Variants in ATP2C1 observed in about 807,000 individuals in gnomAD.
ATP2C1 encodes the protein calcium-transporting ATPase type 2C member 1.
In ATP2C1, 31 loss-of-function variants were observed where a neutral mutation model predicts 120.5. That is an observed-to-expected ratio of 0.26 (90% CI 0.19 to 0.35). The LOEUF (loss-of-function observed/expected upper bound fraction) is 0.35, where lower values mean the gene tolerates loss of function less well. Ranked by LOEUF, ATP2C1 falls within the 10% of genes least tolerant of loss-of-function variation. ATP2C1 has a pLI of 1.00. For synonymous variants in ATP2C1, 351 were observed against 358.7 expected, an observed-to-expected ratio of 0.98 and a Z score of 0.24; for missense variants, 731 against 1,107.5, an observed-to-expected ratio of 0.66 and a Z score of 4.83.
rs370535213 is a variant in ATP2C1 at position 130,918,520 on chromosome 3, C to G, written c.7-11896C>G. ...GCTTGTAGGCATGTGAGGCTGAACA[C>G]TCTGGCTTGATGCCCAGGCTCTCAC... On this transcript the variant is annotated intron_variant, in intron 2 of 27. Transcript: ENST00000510168. 37 of 758,330 alleles carry G rather than the reference C, an allele frequency of 4.9e-5. No homozygotes were observed. The African/African-American group carries it at 6.0e-4, about 12-fold the overall frequency. 47.0% of individuals were successfully genotyped at this position (758,330 alleles called of 1,614,324 possible).
chr3:131,015,227 T>G (rs2063549034), intron 26 of ATP2C1: 1 of 702,244 alleles, frequency 1.4e-6, no homozygotes, highest in African/African-American at 1.7e-5. Flanking sequence ...CGTCCATATA[T>G]CCTCATTCAA....
chr3:130,976,148 TA>T (rs1345189085), intron 18 of ATP2C1, among the ~76,000 whole-genome samples: 1 of 152,232 alleles, frequency 6.6e-6, no homozygotes, highest in Non-Finnish European at 1.5e-5. Flanking sequence ...TTGGCTTCCT[TA>T]ATTTTATTAT....
chr3:130,929,096 C>T lies in ATP2C1; in HGVS notation c.7-1320C>T, dbSNP rs150045359. On this transcript the variant is annotated intron_variant, in intron 2 of 27. Transcript: ENST00000510168. The stretch of plus-strand genomic sequence containing the variant: ...TTCTTAATTATGTAAAAATATTATG[C>T]TATAAAATAATTTCAGTAATTTGCA... Among the ~76,000 whole-genome samples, 4 of 152,188 alleles carry T rather than the reference C, an allele frequency of 2.6e-5. No individual in the cohort carries two copies. In the East Asian group the frequency reaches 7.7e-4, roughly 29 times the overall value.
At chr3:130,981,734 C>A (rs1239621807) in intron 20 of ATP2C1, among the ~76,000 whole-genome samples, 2 of 152,112 alleles carry the variant, frequency 1.3e-5, no homozygotes, top group Non-Finnish European at 2.9e-5. Flanking sequence ...ATTGTCATTG[C>A]CCTCCTCCCC....
At chr3:130,945,065 T>G (rs2060084067) in intron 8 of ATP2C1, among the ~76,000 whole-genome samples, 2 of 152,216 alleles carry the variant, frequency 1.3e-5, no homozygotes, top group African/African-American at 4.8e-5. Context: ...TGTGATTGCT[T>G]GAATCCACTG....
Position 130,956,236 on chromosome 3 carries a change from A to G in ATP2C1, c.832+57A>G, listed in dbSNP as rs2060574800. The G allele has an allele frequency of 5.5e-6, 6 of 1,092,372 alleles. No homozygotes were observed. In the East Asian group the frequency reaches 1.5e-4, roughly 26 times the overall value. The allele number at this position is 1,092,372 out of a possible 1,614,324, so 67.7% of individuals were successfully genotyped here. A position where few individuals can be genotyped will look rare whatever the true frequency, so the allele number is the denominator to read the frequency against. On this transcript the variant is annotated intron_variant, in intron 11 of 27. Coordinates refer to ENST00000510168, the MANE Select transcript of ATP2C1 (RefSeq NM_001378687.1). ...ATTTGAGTTTTGTTTTTTGAATGTG[A>G]AGGGTGGTGGTATTCTAGTTTTATT... is the stretch of plus-strand genomic sequence containing the variant.
At chr3:131,013,090 G>C (rs1481828534) in intron 26 of ATP2C1, among the ~76,000 whole-genome samples, 3 of 152,150 alleles carry the variant, frequency 2.0e-5, no homozygotes, top group African/African-American at 7.2e-5. Context: ...TATATTTTCA[G>C]ATCTTGCCCA....
upstream of ATP2C1, among the ~76,000 whole-genome samples, chr3:130,891,451 T>G (rs184224664): frequency 1.9e-4 from 29 of 152,336 alleles, no homozygotes; most frequent in African/African-American, 6.5e-4. Context: ...CGGAAAAGCC[T>G]GACAAATTTC....
intron 2 of ATP2C1, chr3:130,918,547 A>G (rs1417736292): frequency 5.4e-6 from 4 of 746,946 alleles, no homozygotes; most frequent in Non-Finnish European, 7.6e-6. Flanking sequence ...GGCTCTCACC[A>G]CGGTCCATGT....
At chr3:130,880,723 T>G (rs990210900) in intron 1 of ATP2C1, among the ~76,000 whole-genome samples, 1 of 152,274 alleles carries the variant, frequency 6.6e-6, no homozygotes, top group Non-Finnish European at 1.5e-5. Context: ...ATCTCATTGA[T>G]ATGGGTTCTG....
rs770274734 is a variant in ATP2C1 at position 130,975,526 on chromosome 3, G to A, written c.1570+38G>A. The A allele has an allele frequency of 9.3e-6, 15 of 1,605,672 alleles. No individual in the cohort carries two copies. The South Asian group carries it at 1.5e-4, about 17-fold the overall frequency. ...CAGCATAGTCCCCTGGGGTGGAAAG[G>A]TAGAGCCTTCTTTTAATTGCAGATG... On this transcript the variant is annotated intron_variant, in intron 18 of 27. Coordinates refer to ENST00000510168, the MANE Select transcript of ATP2C1 (RefSeq NM_001378687.1).
intron 8 of ATP2C1, among the ~76,000 whole-genome samples, chr3:130,947,933 T>A (rs1404900938): frequency 6.6e-6 from 1 of 152,232 alleles, no homozygotes; most frequent in East Asian, 1.9e-4. Flanking sequence ...ATACTAACTT[T>A]GCTTCAGTAG....
intron 1 of ATP2C1, among the ~76,000 whole-genome samples, chr3:130,876,569 T>A (rs1197735523): frequency 1.3e-5 from 2 of 152,204 alleles, no homozygotes; most frequent in African/African-American, 4.8e-5. Context: ...CCAGGTTTGT[T>A]CTTTTTGCTT....
At position 130,894,824 on chromosome 3, in the gene ATP2C1, G is replaced by T; in HGVS notation, c.6+49G>T. The T allele has an allele frequency of 6.4e-7, 1 of 1,559,710 alleles. No homozygotes were observed. Among genetic ancestry groups the T allele is most frequent in the Non-Finnish European group, 8.8e-7 (1 of 1,130,434 alleles). ...TGCAACGCGGAGTTGAGGGTGTGGTGGTTTGCTTTTAAGTTGTCTTTGTTT... is the reference window on the plus strand; with the variant it reads ...TGCAACGCGGAGTTGAGGGTGTGGTTGTTTGCTTTTAAGTTGTCTTTGTTT... On this transcript the variant is annotated intron_variant, in intron 2 of 27. Transcript: ENST00000510168. The surrounding 1 kb of genome is among the most constrained non-coding windows in gnomAD (Gnocchi z 4.5).
rs1333151189 is a variant in ATP2C1, at chr3:130,965,019, T to C, written c.1096T>C (p.Phe366Leu). 6.2e-7 allele frequency: 1 copy of C among 1,611,542 alleles called. No homozygotes were observed. Among genetic ancestry groups the C allele is most frequent in the Non-Finnish European group, 8.5e-7 (1 of 1,178,276 alleles). Reference sequence around the variant, plus strand: ...GAATGAAATGACTGTTACTCACATATTTACTTCAGATGGTCTGCATGCTGA... The same window carrying C: ...GAATGAAATGACTGTTACTCACATACTTACTTCAGATGGTCTGCATGCTGA... Reference protein sequence around the residue: ...TKNEMTVTHIFTSDGLHAEVT... With the variant: ...TKNEMTVTHILTSDGLHAEVT... Residue 366 changes from phenylalanine (F) to leucine (L), a missense_variant, in exon 14 of 28, where the codon TTT (phenylalanine) becomes CTT (leucine). By Grantham distance (22) the Phe-to-Leu change is conservative. Transcript: ENST00000510168.
exon 27 of ATP2C1, chr3:131,016,338 A>T (rs768739321): frequency 1.2e-6 from 2 of 1,614,074 alleles, no homozygotes; most frequent in African/African-American, 2.7e-5. Flanking sequence ...GCTCTTCCTT[A>T]CCTAAATAAA....
intron 19 of ATP2C1, among the ~76,000 whole-genome samples, chr3:130,979,784 G>T (rs558541046): frequency 6.6e-6 from 1 of 152,214 alleles, no homozygotes; most frequent in South Asian, 2.1e-4. Context: ...AAGCAGACTT[G>T]TGCATAATTT....
intron 8 of ATP2C1, among the ~76,000 whole-genome samples, chr3:130,947,124 A>T (rs1484349867): frequency 1.3e-5 from 2 of 152,182 alleles, no homozygotes; most frequent in Non-Finnish European, 2.9e-5. Context: ...AGAGCAATGC[A>T]TTCCAACTTC....
chr3:130,933,563 CTCAG>C (rs750532983), intron 4 of ATP2C1, among the ~76,000 whole-genome samples: 6 of 152,198 alleles, frequency 3.9e-5, no homozygotes, highest in Non-Finnish European at 7.3e-5. Flanking sequence ...GGTACTCTGA[CTCAG>C]TCAGGTTTGT....
Sources: gnomAD v4.1 joint callset for allele counts (sites outside exome capture counted in the v4.1 genomes callset) on GRCh38, gnomAD v4.1.1 for gene constraint, Gnocchi (gnomAD v3.1) non-coding constraint, MANE v1.5 for transcripts, NCBI Gene and HGNC (gene_info 2026-07-23, HGNC 2026-07-21) for gene names.